Variants in GREM2 observed in about 807,000 individuals in gnomAD.
GREM2 encodes gremlin 2, DAN family BMP antagonist.
Under a neutral mutation model 14.2 loss-of-function variants are expected in GREM2, and 11 were observed. The ratio of observed to expected loss-of-function variants is 0.78; its 90% CI spans 0.49 to 1.28. The LOEUF (loss-of-function observed/expected upper bound fraction) is 1.28. Ranked by LOEUF, GREM2 falls within the 50% of genes most tolerant of loss-of-function variation. The pLI is 0.00. For missense variants in GREM2, 210 were observed against 218.5 expected, an observed-to-expected ratio of 0.96 and a Z score of 0.24; for synonymous variants, 98 against 97.6, an observed-to-expected ratio of 1.00 and a Z score of -0.02.
At chr1:240,576,043 C>T (rs1218042639) in intron 1 of GREM2, among the ~76,000 whole-genome samples, 4 of 152,016 alleles carry the variant, frequency 2.6e-5, no homozygotes, top group Non-Finnish European at 5.9e-5. Flanking sequence ...TGCTATGCGT[C>T]CTGTGAAAGT....
intron 1 of GREM2, among the ~76,000 whole-genome samples, chr1:240,602,582 G>C (rs1679944815): frequency 6.6e-6 from 1 of 152,160 alleles, no homozygotes; most frequent in Non-Finnish European, 1.5e-5. Context: ...ACTTTGGGAG[G>C]CCGAGGCAGG....
chr1:240,537,689 G>A (rs1678503091), intron 1 of GREM2, among the ~76,000 whole-genome samples: 1 of 152,168 alleles, frequency 6.6e-6, no homozygotes, highest in Non-Finnish European at 1.5e-5. Flanking sequence ...GGAGGCTGAG[G>A]CAGGAGAATC....
chr1:240,509,418 G>A (rs1280865900), intron 1 of GREM2, among the ~76,000 whole-genome samples: 1 of 148,794 alleles, frequency 6.7e-6, no homozygotes, highest in African/African-American at 2.5e-5. Flanking sequence ...GCCCAGGCTG[G>A]AGTGCAATGG....
At chr1:240,547,512 A>AT (rs1317803591) in intron 1 of GREM2, among the ~76,000 whole-genome samples, 43 of 99,896 alleles carry the variant, frequency 4.3e-4, no homozygotes, top group African/African-American at 1.2e-3. Flanking sequence ...AAAAAAAAAA[A>AT]AAATATATAT....
chr1:240,530,637 A>C (rs927220801), intron 1 of GREM2: 1 of 152,230 alleles, frequency 6.6e-6, no homozygotes, highest in Non-Finnish European at 1.5e-5. Context: ...TAACCACTCT[A>C]AACTAGGACC....
chr1:240,580,276 G>A (rs957848476), intron 1 of GREM2, among the ~76,000 whole-genome samples: 2 of 152,106 alleles, frequency 1.3e-5, no homozygotes, highest in Admixed American at 6.6e-5. Flanking sequence ...TGTTAATCCT[G>A]AAGTATTTCA....
Position 240,543,326 on chromosome 1 carries a change from T to C in GREM2, c.-1-49850A>G, listed in dbSNP as rs1678641616. ...TAATTTATAAAGAAAAGAGGTTTAA[T>C]TTACTCACAGTTCCACATGGCTGGG... is the stretch of plus-strand genomic sequence containing the variant. On this transcript the variant is annotated intron_variant, in intron 1 of 1. Transcript: ENST00000318160. The surrounding 1 kb of genome is among the most constrained non-coding windows in gnomAD (Gnocchi z 6.4). Among the ~76,000 whole-genome samples, 1 of 152,208 alleles carries C rather than the reference T, an allele frequency of 6.6e-6. No individual in the cohort carries two copies. Among genetic ancestry groups the C allele is most frequent in the South Asian group, 2.1e-4 (1 of 4,834 alleles).
chr1:240,598,243 T>C (rs1470753769), intron 1 of GREM2, among the ~76,000 whole-genome samples: 1 of 152,214 alleles, frequency 6.6e-6, no homozygotes, highest in Non-Finnish European at 1.5e-5. Flanking sequence ...TAAAGGGACT[T>C]TTGGTAGCCA....
At chr1:240,497,759 C>T (rs1677463353) in intron 1 of GREM2, among the ~76,000 whole-genome samples, 1 of 151,410 alleles carries the variant, frequency 6.6e-6, no homozygotes, top group Non-Finnish European at 1.5e-5. Flanking sequence ...CATGAAATGT[C>T]ATATGAAAAT....
At chr1:240,508,136 T>C (rs1677723286) in intron 1 of GREM2, among the ~76,000 whole-genome samples, 1 of 152,204 alleles carries the variant, frequency 6.6e-6, no homozygotes, top group Non-Finnish European at 1.5e-5. Context: ...ACTAGCTCTC[T>C]ACAATGGAAA....
At chr1:240,528,644 G>A (rs955094701) in intron 1 of GREM2, among the ~76,000 whole-genome samples, 10 of 152,094 alleles carry the variant, frequency 6.6e-5, no homozygotes, top group African/African-American at 2.2e-4. Flanking sequence ...CACTGTGCTC[G>A]GTGAGTGGCT....
chr1:240,532,401 A>C (rs1448252478), intron 1 of GREM2, among the ~76,000 whole-genome samples: 2 of 152,198 alleles, frequency 1.3e-5, no homozygotes, highest in African/African-American at 4.8e-5. Context: ...AAATTATCTT[A>C]ATTGTCCCTT....
intron 1 of GREM2, among the ~76,000 whole-genome samples, chr1:240,522,120 CAAAAAAA>C (rs34438696): frequency 1.6e-4 from 11 of 70,884 alleles, no homozygotes; most frequent in African/African-American, 4.9e-4. Flanking sequence ...ACCCTGTCTC[CAAAAAAA>C]AAAAAAAACA....
chr1:240,545,029 G>T (rs1312174477), intron 1 of GREM2, among the ~76,000 whole-genome samples: 1 of 152,178 alleles, frequency 6.6e-6, no homozygotes, highest in African/African-American at 2.4e-5. Flanking sequence ...AAATCTTTGG[G>T]CTCCTCAAAA....
At chr1:240,538,221 A>C (rs1440816693) in intron 1 of GREM2, among the ~76,000 whole-genome samples, 2 of 152,114 alleles carry the variant, frequency 1.3e-5, no homozygotes, top group Non-Finnish European at 2.9e-5. Flanking sequence ...GCACCCCTCA[A>C]ATGCTATGAC....
At chr1:240,580,264 C>G (rs999401922) in intron 1 of GREM2, among the ~76,000 whole-genome samples, 5 of 152,174 alleles carry the variant, frequency 3.3e-5, no homozygotes, top group Middle Eastern at 3.4e-3. Flanking sequence ...TTTAAAGGTG[C>G]ATGTTAATCC....
chr1:240,519,599 TTAAA>T (rs1678032988), intron 1 of GREM2, among the ~76,000 whole-genome samples: 1 of 152,208 alleles, frequency 6.6e-6, no homozygotes, highest in Non-Finnish European at 1.5e-5. Flanking sequence ...TTGATAGAGA[TTAAA>T]TATTCTTTCT....
Position 240,525,564 on chromosome 1 carries a change from C to T in GREM2, c.-1-32088G>A, listed in dbSNP as rs546635919. On this transcript the variant is annotated intron_variant, in intron 1 of 1. Coordinates refer to ENST00000318160, the MANE Select transcript of GREM2 (RefSeq NM_022469.4). ...ACCAATCTTGTCTCACTGCAACCTC[C>T]GCCTCCCGGGTTCAAGCGACTTTGG... 9.2e-5 allele frequency among the ~76,000 whole-genome samples: 14 copies of T among 152,160 alleles called. No homozygotes were observed. In the South Asian group the frequency reaches 1.9e-3, roughly 20 times the overall value.
intron 1 of GREM2, among the ~76,000 whole-genome samples, chr1:240,563,123 G>A (rs1679101382): frequency 6.7e-6 from 1 of 150,284 alleles, no homozygotes; most frequent in Non-Finnish European, 1.5e-5. Context: ...GTATATGTGA[G>A]TGTGTATGTG....
Sources: gnomAD v4.1 joint callset for allele counts (sites outside exome capture counted in the v4.1 genomes callset) on GRCh38, gnomAD v4.1.1 for gene constraint, Gnocchi (gnomAD v3.1) non-coding constraint, MANE v1.5 for transcripts, NCBI Gene and HGNC (gene_info 2026-07-23, HGNC 2026-07-21) for gene names.